Variants in CASZ1 observed in about 807,000 individuals in gnomAD.
The protein encoded by CASZ1 is zinc finger protein castor homolog 1.
CASZ1 carries 28 observed loss-of-function variants against 135.2 expected under a neutral mutation model. That is an observed-to-expected ratio of 0.21 (90% CI 0.15 to 0.28). The LOEUF is 0.28. CASZ1 is among the 10% of genes least tolerant of loss of function. The pLI, the probability that CASZ1 is intolerant of heterozygous loss-of-function variation, is 1.00. For missense variants in CASZ1, 2,161 were observed against 2,453.3 expected (o/e 0.88, Z 2.52); for synonymous variants, 1,068 against 1,073.4 (o/e 0.99, Z 0.10).
In CASZ1 at chr1:10,744,897, C is replaced by T. The variant is rs115378280; in HGVS notation, c.-77+15804G>A. Among the ~76,000 whole-genome samples the T allele has an allele frequency of 1.9e-3, 289 of 152,334 alleles. 3 individuals carry two copies. The highest frequency in any genetic ancestry group is 6.8e-3 in the African/African-American group (284 of 41,572). On this transcript the variant is annotated intron_variant, in intron 2 of 20. Coordinates refer to ENST00000377022, the MANE Select transcript of CASZ1 (RefSeq NM_001079843.3). ...CCCCGGTACACGGTACACGCAGACG[C>T]ATGTCTGCCATGTGCTCCGTCAATC...
At chr1:10,722,510 G>A (rs1639517931) in intron 2 of CASZ1, among the ~76,000 whole-genome samples, 1 of 152,302 alleles carries the variant, frequency 6.6e-6, no homozygotes, top group East Asian at 1.9e-4. Context: ...GAACATTCTG[G>A]GTGCTCGGAG....
At chr1:10,670,079 CCCCTGGGTTGGGGGTGGG>C in intron 4 of CASZ1, among the ~76,000 whole-genome samples, 1 of 152,190 alleles carries the variant, frequency 6.6e-6, no homozygotes, top group East Asian at 1.9e-4. Context: ...AGGAACCAGA[CCCCTGGGTTGGGGGTGGG>C]CTGGGGCCCT....
In CASZ1 at chr1:10,794,908, C is replaced by T. The variant is rs888302330; in HGVS notation, c.-234+1656G>A. 1.3e-5 allele frequency among the ~76,000 whole-genome samples: 2 copies of T among 151,014 alleles called. No individual in the cohort carries two copies. Among genetic ancestry groups the T allele is most frequent in the African/African-American group, 4.8e-5 (2 of 41,268 alleles). On this transcript the variant is annotated intron_variant, in intron 1 of 20. Coordinates refer to ENST00000377022, the MANE Select transcript of CASZ1 (RefSeq NM_001079843.3). The surrounding 1 kb of genome is among the most constrained non-coding windows in gnomAD (Gnocchi z 5.6). ...CGCCCGCCCGCCCGCGCCCGGCCAG[C>T]CCCCGCCAGCGGCCCCAGCGCGCCT...
Position 10,700,036 on chromosome 1 carries a change from C to CAG in CASZ1, c.-24+5454_-24+5455dup, listed in dbSNP as rs200474703. ...AGAGACAGAGAAAGAGAGAGAGAGA[C>CAG]AGAGAGAGAGAGAAAGAGAGACAGA... On this transcript the variant is annotated intron_variant, in intron 3 of 20. Transcript: ENST00000377022. The surrounding 1 kb of genome is among the most constrained non-coding windows in gnomAD (Gnocchi z 4.2). Among the ~76,000 whole-genome samples the CAG allele has an allele frequency of 2.2e-5, 3 of 138,522 alleles. No individual in the cohort carries two copies. The highest frequency in any genetic ancestry group is 5.6e-5 in the African/African-American group (2 of 35,726). 90.9% of individuals were successfully genotyped at this position (138,522 alleles called of 152,430 possible).
chr1:10,793,240 TG>T (rs1640995899), intron 1 of CASZ1, among the ~76,000 whole-genome samples: 1 of 126,062 alleles, frequency 7.9e-6, no homozygotes, highest in African/African-American at 3.0e-5. Context: ...TCTTATATGA[TG>T]GGGGGAGGAA....
intron 4 of CASZ1, among the ~76,000 whole-genome samples, chr1:10,671,883 C>T (rs1643411459): frequency 6.6e-6 from 1 of 152,230 alleles, no homozygotes; most frequent in Admixed American, 6.5e-5. Context: ...CAGAAACACC[C>T]TGCCTTTTCA....
rs1046399503 is a variant in CASZ1 at position 10,707,876 on chromosome 1, G to A, written c.-76-2332C>T. On this transcript the variant is annotated intron_variant, in intron 2 of 20. Transcript: ENST00000377022. The surrounding 1 kb of genome is among the most constrained non-coding windows in gnomAD (Gnocchi z 5.0). ...TAAGGAAGGATTCTCCAAGGCCGGG[G>A]GAGAGGCACAGTACTGGGAAGACCC... 1.3e-5 allele frequency among the ~76,000 whole-genome samples: 2 copies of A among 152,144 alleles called. No individual in the cohort carries two copies. Among genetic ancestry groups the A allele is most frequent in the East Asian group, 1.9e-4 (1 of 5,196 alleles).
At chr1:10,652,591 TGGA>T in intron 11 of CASZ1, 1 of 151,814 alleles carries the variant, frequency 6.6e-6, no homozygotes, top group South Asian at 2.1e-4. Flanking sequence ...CAGAGAAAAA[TGGA>T]GGGAAATTTT....
intron 4 of CASZ1, among the ~76,000 whole-genome samples, chr1:10,673,852 C>T (rs1643482081): frequency 6.6e-6 from 1 of 152,180 alleles, no homozygotes; most frequent in African/African-American, 2.4e-5. Flanking sequence ...CTCAACAGGA[C>T]CATCCATGCC....
chr1:10,653,669 G>A lies in CASZ1; in HGVS notation c.2388C>T (p.Pro796=), dbSNP rs571622001. ...GTATGGGGAAGTAGGGCGTGGGGGTGGGCAGGCCCGAGTTGGAGAGGGCCA... is the reference window on the plus strand; with the variant it reads ...GTATGGGGAAGTAGGGCGTGGGGGTAGGCAGGCCCGAGTTGGAGAGGGCCA... ...LALALSNSGL[P]TPTPYFPILA... The change falls in exon 11 of 21, where the codon CCC becomes CCT. Residue 796 remains proline (P), a synonymous_variant. Coordinates refer to ENST00000377022, the MANE Select transcript of CASZ1 (RefSeq NM_001079843.3). 2 of 1,558,826 alleles carry A rather than the reference G, an allele frequency of 1.3e-6. No homozygotes were observed. Among genetic ancestry groups the A allele is most frequent in the East Asian group, 2.3e-5 (1 of 44,394 alleles).
In CASZ1 at chr1:10,723,857, T is replaced by G. The variant is rs117324050; in HGVS notation, c.-76-18313A>C. On this transcript the variant is annotated intron_variant, in intron 2 of 20. Coordinates refer to ENST00000377022, the MANE Select transcript of CASZ1 (RefSeq NM_001079843.3). ...CTCACGGTCAGCTTCAGTCCACCCG[T>G]CTCAGGTGGCCTCCCCAGTTCAGCA... Among the ~76,000 whole-genome samples, 211 of 152,214 alleles carry G rather than the reference T, an allele frequency of 1.4e-3. 2 individuals carry two copies. In the East Asian group the frequency reaches 0.021, roughly 15 times the overall value.
chr1:10,665,468 G>A lies in CASZ1; in HGVS notation c.120C>T (p.Arg40=). The A allele has an allele frequency of 6.2e-7, 1 of 1,609,516 alleles. No individual in the cohort carries two copies. The change falls in exon 5 of 21, where the codon CGC becomes CGT. Residue 40 remains arginine, a synonymous_variant. Transcript: ENST00000377022. The part of the protein sequence containing the change: ...KLNAICAKLS[R]QVVVEKRADA... ...CAGCTCGCTTCTCCACCACCACCTG[G>A]CGGCTCAGCTTGGCGCAGATGGCGT... is the stretch of plus-strand genomic sequence containing the variant.
chr1:10,639,095 G>T lies in CASZ1; in HGVS notation c.5127C>A (p.Asp1709Glu), dbSNP rs1380120462. ...CGGTGCGCAGGTCCTCGTCGTCGTC[G>T]TCCTCGTCGTCGTCCTCGTCGTCGT... ...EDDDDEDDDE[D>E]DDDEDLRTDS... The change falls in exon 21 of 21, where the codon GAC (aspartate) becomes GAA (glutamate). Residue 1709 changes from aspartate to glutamate, a missense_variant. Asp to Glu is a conservative substitution (Grantham distance 45). Coordinates refer to ENST00000377022, the MANE Select transcript of CASZ1 (RefSeq NM_001079843.3). The surrounding 1 kb of genome is among the most constrained non-coding windows in gnomAD (Gnocchi z 4.0). 2 of 1,135,350 alleles carry T rather than the reference G, an allele frequency of 1.8e-6. No homozygotes were observed. Among genetic ancestry groups the T allele is most frequent in the Non-Finnish European group, 1.1e-6 (1 of 898,952 alleles). The allele number at this position is 1,135,350 out of a possible 1,614,324, so 70.3% of individuals were successfully genotyped here.
intron 4 of CASZ1, among the ~76,000 whole-genome samples, chr1:10,674,236 C>T (rs578201537): frequency 2.0e-5 from 3 of 152,368 alleles, no homozygotes; most frequent in South Asian, 2.1e-4. Flanking sequence ...CTGACTTCCC[C>T]GGAGATGGGA....
At position 10,767,760 on chromosome 1, in the gene CASZ1, G is replaced by A. The variant is rs1272900596; in HGVS notation, c.-233-6903C>T. On this transcript the variant is annotated intron_variant, in intron 1 of 20. Coordinates refer to ENST00000377022, the MANE Select transcript of CASZ1 (RefSeq NM_001079843.3). The surrounding 1 kb of genome is among the most constrained non-coding windows in gnomAD (Gnocchi z 4.2). The stretch of plus-strand genomic sequence containing the variant: ...TTTATGACCCACTGCAAGCAGAAAG[G>A]GCCACATCAGCAGGTCCGGTTGCAG... Among the ~76,000 whole-genome samples, 1 of 152,152 alleles carries A rather than the reference G, an allele frequency of 6.6e-6. No homozygotes were observed. Among genetic ancestry groups the A allele is most frequent in the Non-Finnish European group, 1.5e-5 (1 of 68,034 alleles).
intron 1 of CASZ1, among the ~76,000 whole-genome samples, chr1:10,775,952 T>C (rs1640655063): frequency 6.6e-6 from 1 of 152,160 alleles, no homozygotes; most frequent in Non-Finnish European, 1.5e-5. Context: ...TGTGATACTG[T>C]CTGCTTTCTG....
rs781074761 is a variant in CASZ1 at position 10,643,016 on chromosome 1, G to A, written c.4021-16C>T. On this transcript the variant is annotated splice_polypyrimidine_tract_variant and intron_variant, in intron 19 of 20. Transcript: ENST00000377022. ...CTGGGGGGCCCTGAAAGGACACGGG[G>A]GTCCCTGAGGAAGTGGGGCTGTGGG... 1.2e-6 allele frequency: 2 copies of A among 1,610,058 alleles called. No homozygotes were observed. The highest frequency in any genetic ancestry group is 2.7e-5 in the African/African-American group (2 of 75,014).
At chr1:10,661,366 G>C (rs1243271350) in intron 5 of CASZ1, 6 of 152,146 alleles carry the variant, frequency 3.9e-5, no homozygotes. Context: ...CCTCCCCACA[G>C]TGACATACAC....
intron 4 of CASZ1, among the ~76,000 whole-genome samples, chr1:10,692,234 T>G (rs1009123408): frequency 6.6e-6 from 1 of 152,234 alleles, no homozygotes; most frequent in Non-Finnish European, 1.5e-5. Context: ...TGGCTCCAGC[T>G]GGCACCCAGG....
Sources: gnomAD v4.1 joint callset for allele counts (sites outside exome capture counted in the v4.1 genomes callset) on GRCh38, gnomAD v4.1.1 for gene constraint, Gnocchi (gnomAD v3.1) non-coding constraint, MANE v1.5 for transcripts, NCBI Gene and HGNC (gene_info 2026-07-23, HGNC 2026-07-21) for gene names.